The following TMTC4 variants were observed in gnomAD, a reference collection of about 807,000 sequenced individuals.
The protein encoded by TMTC4 is transmembrane O-mannosyltransferase targeting cadherins 4.
A neutral mutation model predicts 86.0 loss-of-function variants in TMTC4; 65 were observed. That is an observed-to-expected ratio of 0.76 (90% confidence interval 0.62 to 0.93). TMTC4 has a LOEUF of 0.93. TMTC4 is among the 40% of genes least tolerant of loss of function. The pLI is 0.00. For missense variants in TMTC4, 866 were observed against 948.1 expected (o/e 0.91, Z 1.14); for synonymous variants, 379 against 382.5 (o/e 0.99, Z 0.11).
intron 5 of TMTC4, among the ~76,000 whole-genome samples, chr13:100,662,155 C>T (rs1160176166): frequency 6.7e-6 from 1 of 150,086 alleles, no homozygotes; most frequent in African/African-American, 2.4e-5. Context: ...AACTGGAAAG[C>T]GGTGCCCGTA....
intron 6 of TMTC4, among the ~76,000 whole-genome samples, chr13:100,649,416 TG>T (rs1884148955): frequency 6.6e-6 from 1 of 152,236 alleles, no homozygotes; most frequent in Admixed American, 6.5e-5. Context: ...TCTGTGCTTT[TG>T]TGGCTATGTT....
chr13:100,609,697 A>C (rs963018702), intron 17 of TMTC4, among the ~76,000 whole-genome samples: 1 of 151,908 alleles, frequency 6.6e-6, no homozygotes, highest in Non-Finnish European at 1.5e-5. Flanking sequence ...ACACACACAC[A>C]CACACCCATA....
intron 6 of TMTC4, among the ~76,000 whole-genome samples, chr13:100,643,684 A>T (rs1883337125): frequency 6.6e-6 from 1 of 152,224 alleles, no homozygotes; most frequent in South Asian, 2.1e-4. Context: ...CCATGTGTGT[A>T]TATTAAAAGA....
chr13:100,655,964 T>A (rs1167109460), intron 6 of TMTC4, among the ~76,000 whole-genome samples: 1 of 152,138 alleles, frequency 6.6e-6, no homozygotes, highest in Non-Finnish European at 1.5e-5. Context: ...AGGGACAGTG[T>A]ATGAAAAATC....
intron 1 of TMTC4, 158 bp from the exon 2 acceptor site, chr13:100,670,727 T>C (rs1594391355): frequency 9.3e-6 from 2 of 215,848 alleles, no homozygotes; most frequent in Non-Finnish European, 1.8e-5. Flanking sequence ...GGCCGGTGGA[T>C]GGCTTGAGCC....
At chr13:100,623,303 G>C (rs2138788481) in intron 15 of TMTC4, among the ~76,000 whole-genome samples, 1 of 152,322 alleles carries the variant, frequency 6.6e-6, no homozygotes, top group East Asian at 1.9e-4. Flanking sequence ...CGCAATCTTG[G>C]CTCACTGCAA....
intron 12 of TMTC4, among the ~76,000 whole-genome samples, chr13:100,629,140 C>A (rs1880968555): frequency 8.7e-6 from 1 of 115,570 alleles, no homozygotes; most frequent in South Asian, 2.6e-4. Context: ...CAGAGCAAGA[C>A]TCTGTCTCAC....
intron 1 of TMTC4, among the ~76,000 whole-genome samples, chr13:100,671,879 A>C (rs1282562812): frequency 6.8e-6 from 1 of 148,036 alleles, no homozygotes; most frequent in Non-Finnish European, 1.5e-5. Flanking sequence ...GCAAACGCAA[A>C]AAAAAAAAAA....
At chr13:100,611,933 T>A (rs888298530) in intron 17 of TMTC4, among the ~76,000 whole-genome samples, 1 of 152,176 alleles carries the variant, frequency 6.6e-6, no homozygotes, top group African/African-American at 2.4e-5. Flanking sequence ...CATGGGCTGG[T>A]TATTCTTTTG....
intron 15 of TMTC4, among the ~76,000 whole-genome samples, chr13:100,618,251 T>A (rs1388536192): frequency 6.6e-6 from 1 of 152,168 alleles, no homozygotes; most frequent in Non-Finnish European, 1.5e-5. Context: ...TCTGCAGGGT[T>A]TTCTAGGTGT....
chr13:100,636,504 G>T (rs1241209206), intron 10 of TMTC4, 28 bp downstream of exon 10: 2 of 1,613,136 alleles, frequency 1.2e-6, no homozygotes, highest in Admixed American at 3.3e-5. Flanking sequence ...AACCAGCGTG[G>T]AACTTAAGAT....
At chr13:100,654,365 A>G (rs1884817696) in intron 6 of TMTC4, among the ~76,000 whole-genome samples, 1 of 152,236 alleles carries the variant, frequency 6.6e-6, no homozygotes, top group African/African-American at 2.4e-5. Context: ...GACAAAAAAG[A>G]AAGGTCATGT....
chr13:100,616,573 G>A (rs1239119826), intron 15 of TMTC4, among the ~76,000 whole-genome samples: 2 of 152,222 alleles, frequency 1.3e-5, no homozygotes, highest in Non-Finnish European at 2.9e-5. Flanking sequence ...CCAAATGGCA[G>A]TTCTAAGTTC....
chr13:100,668,813 T>C lies in TMTC4; in HGVS notation c.4-19A>G, dbSNP rs2791680. 1,235,856 of 1,612,296 alleles carry C rather than the reference T, an allele frequency of 0.77. 477,111 individuals carry two copies. The highest frequency in any genetic ancestry group is 0.98 in the East Asian group (43,914 of 44,868). The stretch of plus-strand genomic sequence containing the variant: ...TAGGAATCTGCAGGAAAAACAACAC[T>C]GTATAAATATTCATCAACACTGGTA... On this transcript the variant is annotated intron_variant, in intron 2 of 18. Coordinates refer to ENST00000342624, the MANE Select transcript of TMTC4 (RefSeq NM_032813.5).
chr13:100,646,473 TC>T (rs1340249544), intron 6 of TMTC4, among the ~76,000 whole-genome samples: 1 of 152,196 alleles, frequency 6.6e-6, no homozygotes, highest in East Asian at 1.9e-4. Context: ...CCAAGATGCT[TC>T]CAGCAGGGGG....
chr13:100,664,685 C>T (rs1886199631), intron 3 of TMTC4, among the ~76,000 whole-genome samples: 1 of 152,188 alleles, frequency 6.6e-6, no homozygotes, highest in African/African-American at 2.4e-5. Flanking sequence ...CTCAACTCTT[C>T]ATGGCTCAAC....
chr13:100,635,898 A>G (rs1882145779), intron 10 of TMTC4: 1 of 152,802 alleles, frequency 6.5e-6, no homozygotes, highest in Non-Finnish European at 1.5e-5. Flanking sequence ...AACTGGGACT[A>G]AAGTTTGTGG....
chr13:100,625,977 G>A lies in TMTC4; in HGVS notation c.1587-85C>T, dbSNP rs532263922. 33 of 1,593,188 alleles carry A rather than the reference G, an allele frequency of 2.1e-5. No individual in the cohort carries two copies. The African/African-American group carries it at 3.1e-4, about 15-fold the overall frequency. On this transcript the variant is annotated intron_variant, in intron 13 of 18. Coordinates refer to ENST00000342624, the MANE Select transcript of TMTC4 (RefSeq NM_032813.5). ...ACTCTCAGGAATCGGTAAAGATATT[G>A]TAAAGTTGGGGTCTTTAAAGGAACA...
chr13:100,614,294 T>C, intron 16 of TMTC4, 22 bp downstream of exon 16: 1 of 1,574,880 alleles, frequency 6.3e-7, no homozygotes, highest in South Asian at 1.1e-5. Flanking sequence ...TCCTGTGATT[T>C]GTTCCATCCA....
Sources: gnomAD v4.1 joint callset for allele counts (sites outside exome capture counted in the v4.1 genomes callset) on GRCh38, gnomAD v4.1.1 for gene constraint, MANE v1.5 for transcripts, NCBI Gene and HGNC (gene_info 2026-07-23, HGNC 2026-07-21) for gene names.